PLA2G4D: variants seen among roughly 807,000 people sequenced by gnomAD.
PLA2G4D encodes cytosolic phospholipase A2 delta.
In PLA2G4D, 80 loss-of-function variants were observed where a neutral mutation model predicts 94.4. That is an observed-to-expected ratio of 0.85 (90% CI 0.71 to 1.02). The LOEUF is 1.02. Ranked by LOEUF, PLA2G4D falls within the 50% of genes least tolerant of loss-of-function variation. The pLI is 0.00. For synonymous variants in PLA2G4D, 438 were observed against 440.9 expected, an observed-to-expected ratio of 0.99 and a Z score of 0.08; for missense variants, 1,050 against 1,034.7, an observed-to-expected ratio of 1.01 and a Z score of -0.20.
intron 13 of PLA2G4D, among the ~76,000 whole-genome samples, chr15:42,078,247 G>A (rs1010192029): frequency 1.3e-5 from 2 of 152,202 alleles, no homozygotes; most frequent in Non-Finnish European, 2.9e-5. Context: ...GAATCTCCAT[G>A]GGTGGAACCC....
intron 1 of PLA2G4D, among the ~76,000 whole-genome samples, chr15:42,091,174 G>A (rs913048778): frequency 1.3e-5 from 2 of 152,160 alleles, no homozygotes; most frequent in African/African-American, 4.8e-5. Context: ...CCACCCAGGC[G>A]CCGAGGCAAG....
chr15:42,078,752 C>CCA (rs1889976403), intron 13 of PLA2G4D, among the ~76,000 whole-genome samples: 1 of 152,104 alleles, frequency 6.6e-6, no homozygotes, highest in Admixed American at 6.5e-5. Flanking sequence ...ATGAGTCCTT[C>CCA]TGCTACTAAT....
rs536398467 is a variant in PLA2G4D, at chr15:42,075,584, T to C, written c.1318-3192A>G. 7.2e-5 allele frequency among the ~76,000 whole-genome samples: 11 copies of C among 152,314 alleles called. No homozygotes were observed. In the South Asian group the frequency reaches 1.9e-3, roughly 26 times the overall value. On this transcript the variant is annotated intron_variant, in intron 13 of 19. Coordinates refer to ENST00000290472, the MANE Select transcript of PLA2G4D (RefSeq NM_178034.4). The stretch of plus-strand genomic sequence containing the variant: ...ATTGCAAAACATGACTAGGTGATTC[T>C]ATCATATAATTACAACAGCAGGCCA...
intron 11 of PLA2G4D, 123 bp downstream of exon 11, chr15:42,081,355 TC>T: frequency 1.4e-6 from 2 of 1,475,008 alleles, no homozygotes; most frequent in Middle Eastern, 4.8e-4. Flanking sequence ...CCACTCACGC[TC>T]CCATGTCTCC....
At position 42,071,616 on chromosome 15, in the gene PLA2G4D, G is replaced by A. The variant is rs1029849904; in HGVS notation, c.1574-65C>T. 12 of 1,529,222 alleles carry A rather than the reference G, an allele frequency of 7.8e-6. No individual in the cohort carries two copies. The African/African-American group carries it at 8.2e-5, about 10-fold the overall frequency. The allele number at this position is 1,529,222 out of a possible 1,614,324, so 94.7% of individuals were successfully genotyped here. A position where few individuals can be genotyped will look rare whatever the true frequency, so the allele number is the denominator to read the frequency against. ...AGCGGCCCCACCCTCAGGTACTGATGGAAAATGGGAGTGGGGCGAGGGCTA... is the reference window on the plus strand; with the variant it reads ...AGCGGCCCCACCCTCAGGTACTGATAGAAAATGGGAGTGGGGCGAGGGCTA... On this transcript the variant is annotated intron_variant, in intron 15 of 19. Transcript: ENST00000290472.
Position 42,079,591 on chromosome 15 carries a change from G to A in PLA2G4D, c.1263C>T (p.Pro421=), listed in dbSNP as rs762723864. The change falls in exon 13 of 20, where the codon CCC becomes CCT. Residue 421 remains proline (P), a synonymous_variant. Transcript: ENST00000290472. ...GCGCCCACAGGTCCACAAAGGTCGTGGGGTGGCCCTGCTCAGCCCGCAGCT... is the reference window on the plus strand; with the variant it reads ...GCGCCCACAGGTCCACAAAGGTCGTAGGGTGGCCCTGCTCAGCCCGCAGCT... ...ELELRAEQGH[P]TTFVDLWALV... 1.2e-6 allele frequency: 2 copies of A among 1,608,774 alleles called. No individual in the cohort carries two copies. Among genetic ancestry groups the A allele is most frequent in the Non-Finnish European group, 8.5e-7 (1 of 1,178,644 alleles).
rs548640184 is a variant in PLA2G4D, at chr15:42,071,163, G to C, written c.1836C>G (p.His612Gln). Residue 612 changes from histidine to glutamine, a missense_variant, in exon 17 of 20, where the codon CAC becomes CAG. Physicochemically the swap from His to Gln is conservative, Grantham distance 24. Coordinates refer to ENST00000290472, the MANE Select transcript of PLA2G4D (RefSeq NM_178034.4). ...SPNFLQGLQLHQDYCSHKDFS... is the reference protein window; with the variant it reads ...SPNFLQGLQLQQDYCSHKDFS... ...AGTCTTTGTGGCTACAGTAGTCCTG[G>C]TGCAGCTGGAGGCCCTGGAGGAAGT... 71 of 1,613,112 alleles carry C rather than the reference G, an allele frequency of 4.4e-5. No individual in the cohort carries two copies. The highest frequency in any genetic ancestry group is 3.0e-4 in the Admixed American group (18 of 59,708).
At chr15:42,071,578 T>C (rs1889819773) in intron 15 of PLA2G4D, 27 bp from the exon 16 acceptor site, 2 of 1,588,712 alleles carry the variant, frequency 1.3e-6, no homozygotes, top group African/African-American at 1.3e-5. Context: ...GAGATCAGCC[T>C]CAGGCCCCAG....
intron 13 of PLA2G4D, among the ~76,000 whole-genome samples, chr15:42,078,502 T>C (rs80316245): frequency 0.025 from 3,852 of 152,338 alleles, 125 homozygotes; most frequent in African/African-American, 0.074. Context: ...ATTTGCATAA[T>C]GAATATGTAT....
At position 42,087,367 on chromosome 15, in the gene PLA2G4D, G is replaced by A. The variant is rs545262998; in HGVS notation, c.188C>T (p.Thr63Met). 2.0e-5 allele frequency: 33 copies of A among 1,614,160 alleles called. No individual in the cohort carries two copies. The highest frequency in any genetic ancestry group is 2.6e-5 in the Non-Finnish European group (31 of 1,180,022). ...TAPGMKFKTKTLTDTSHPVWN... is the reference protein window; with the variant it reads ...TAPGMKFKTKMLTDTSHPVWN... ...CACAGGATGACTGGTGTCGGTGAGC[G>A]TCTTGGTCTTAAACTTCATTCCAGG... is the stretch of plus-strand genomic sequence containing the variant. The change falls in exon 3 of 20, where the codon ACG (threonine) becomes ATG (methionine). Residue 63 changes from threonine (T) to methionine (M), a missense_variant. Coordinates refer to ENST00000290472, the MANE Select transcript of PLA2G4D (RefSeq NM_178034.4).
intron 2 of PLA2G4D, 53 bp from the exon 3 acceptor site, chr15:42,087,489 A>G (rs1890172989): frequency 1.2e-6 from 2 of 1,611,560 alleles, no homozygotes. Flanking sequence ...ACCCCTCTCC[A>G]TGAGCCATGC....
intron 13 of PLA2G4D, among the ~76,000 whole-genome samples, chr15:42,074,190 C>A (rs1376364486): frequency 1.3e-5 from 2 of 152,176 alleles, no homozygotes; most frequent in Admixed American, 1.3e-4. Context: ...GGTCAGCACA[C>A]CCCTCCATCT....
intron 10 of PLA2G4D, 73 bp from the exon 11 acceptor site, chr15:42,081,687 G>A (rs1384792248): frequency 7.8e-5 from 125 of 1,610,462 alleles, no homozygotes; most frequent in Non-Finnish European, 6.6e-5. Context: ...AGCCCACAAT[G>A]AGCTGCCAAA....
chr15:42,081,192 C>T, intron 11 of PLA2G4D, 59 bp from the exon 12 acceptor site: 3 of 1,584,884 alleles, frequency 1.9e-6, no homozygotes, highest in Non-Finnish European at 1.7e-6. Context: ...CCTCCTGTCT[C>T]ACCCAGGGCC....
Position 42,083,275 on chromosome 15 carries a change from A to T in PLA2G4D, c.595T>A (p.Ser199Thr), listed in dbSNP as rs777483297. The change falls in exon 8 of 20, where the codon TCC becomes ACC. Residue 199 changes from serine to threonine, a missense_variant. Transcript: ENST00000290472. The part of the protein sequence containing the change: ...LKGSYEDTQT[S>T]FLGTASAFRF... ...AAGGCAGAGGCTGTGCCCAGGAAGG[A>T]TGTCTGTGTGTCCTCATAGGACCCC... is the stretch of plus-strand genomic sequence containing the variant. 4.9e-5 allele frequency: 79 copies of T among 1,614,122 alleles called. No individual in the cohort carries two copies. Among genetic ancestry groups the T allele is most frequent in the Non-Finnish European group, 6.5e-5 (77 of 1,180,000 alleles).
chr15:42,072,062 G>T lies in PLA2G4D; in HGVS notation c.1436-151C>A, dbSNP rs993924079. The T allele has an allele frequency of 1.7e-5, 20 of 1,152,440 alleles. 1 individual carries two copies. The East Asian group carries it at 3.1e-4, about 18-fold the overall frequency. The allele number at this position is 1,152,440 out of a possible 1,614,324, so 71.4% of individuals were successfully genotyped here. On this transcript the variant is annotated intron_variant, in intron 14 of 19. Transcript: ENST00000290472. ...GCAGATGTGAGGAATGGGCAGTCCT[G>T]GACTGACCACACCCCTCCCAGCCCT...
At chr15:42,090,700 G>A (rs1054296258) in intron 1 of PLA2G4D, among the ~76,000 whole-genome samples, 2 of 152,170 alleles carry the variant, frequency 1.3e-5, no homozygotes, top group Non-Finnish European at 2.9e-5. Flanking sequence ...GGCAGACTCA[G>A]GCTCCCAAAT....
chr15:42,081,931 T>TA, intron 9 of PLA2G4D, 97 bp from the exon 10 acceptor site: 2 of 1,195,816 alleles, frequency 1.7e-6, no homozygotes, highest in Non-Finnish European at 2.3e-6. Flanking sequence ...TTCATTCTTT[T>TA]TTTTTTTTTT....
At position 42,081,008 on chromosome 15, in the gene PLA2G4D, A is replaced by G. The variant is rs1401059998; in HGVS notation, c.1083T>C (p.Ser361=). ...CCCAGGATCCTCACCACGTAGAGCC[A>G]GAGATGCCACTGAAGTAGGTCACAC... ...LDCVTYFSGI[S]GSTWTMAHLY... The change falls in exon 12 of 20, where the codon TCT becomes TCC. Residue 361 remains serine, a synonymous_variant. Coordinates refer to ENST00000290472, the MANE Select transcript of PLA2G4D (RefSeq NM_178034.4). The G allele has an allele frequency of 6.2e-6, 10 of 1,613,868 alleles. No individual in the cohort carries two copies. The highest frequency in any genetic ancestry group is 8.5e-6 in the Non-Finnish European group (10 of 1,179,920).
Sources: allele counts gnomAD v4.1 joint callset (sites outside exome capture counted in the v4.1 genomes callset), GRCh38; gene constraint gnomAD v4.1.1; transcripts MANE v1.5; gene names NCBI Gene and HGNC (gene_info 2026-07-23, HGNC 2026-07-21).